Variants in NLRP1 observed in about 807,000 individuals in gnomAD.
The protein encoded by NLRP1 is NLR family pyrin domain containing 1.
A neutral mutation model predicts 136.7 loss-of-function variants in NLRP1; 94 were observed. The observed-to-expected ratio is 0.69, with a 90% CI of 0.58 to 0.82. The LOEUF (loss-of-function observed/expected upper bound fraction) is 0.82, where lower values mean the gene tolerates loss of function less well. Among genes scored for constraint, NLRP1 ranks in the 40% least tolerant of loss-of-function variants. The probability of loss-of-function intolerance (pLI) is 0.00; values close to 1 mark genes in which losing one functional copy is unlikely to be tolerated. For missense variants in NLRP1, 1,575 were observed against 1,802.7 expected (o/e 0.87, Z 2.29); for synonymous variants, 690 against 725.1 (o/e 0.95, Z 0.78).
intron 15 of NLRP1, chr17:5,506,020 C>T (rs905568554): frequency 6.6e-6 from 1 of 152,228 alleles, no homozygotes. Context: ...TGTGGTGGCT[C>T]ATGTCTGTAA....
Position 5,582,065 on chromosome 17 carries a change from G to C in NLRP1, c.449-3C>G. 6.2e-7 allele frequency: 1 copy of C among 1,607,112 alleles called. No homozygotes were observed. The highest frequency in any genetic ancestry group is 8.5e-7 in the Non-Finnish European group (1 of 1,175,342). On this transcript the variant is annotated splice_region_variant and splice_polypyrimidine_tract_variant and intron_variant, in intron 2 of 16. Transcript: ENST00000572272. Reference sequence around the variant, plus strand: ...GTAGAGGAGTGAGGCAGAGATTTCTGGGGGGAATGAAAAGAAAAATAACCA... The same window carrying C: ...GTAGAGGAGTGAGGCAGAGATTTCTCGGGGGAATGAAAAGAAAAATAACCA...
intron 5 of NLRP1, among the ~76,000 whole-genome samples, chr17:5,545,708 C>T (rs1912584082): frequency 6.6e-6 from 1 of 152,208 alleles, no homozygotes; most frequent in South Asian, 2.1e-4. Context: ...AGTCCAGACG[C>T]AGCTGGCAGA....
At chr17:5,513,009 G>A (rs1328144449), downstream of NLRP1, among the ~76,000 whole-genome samples, 1 of 152,148 alleles carries the variant, frequency 6.6e-6, no homozygotes, top group South Asian at 2.1e-4. Flanking sequence ...TTCTCCTGAG[G>A]CCCTGCAAGC....
chr17:5,584,334 A>C lies in NLRP1; in HGVS notation c.-377T>G. ...GATTCTTCCCTCTCCTGGGTCCTGG[A>C]CTCCTGAGATCAACCCTTGAGCTGC... On this transcript the variant is annotated 5_prime_UTR_variant, in exon 1 of 17. Coordinates refer to ENST00000572272, the MANE Select transcript of NLRP1 (RefSeq NM_033004.4). 3.9e-6 allele frequency: 1 copy of C among 258,382 alleles called. No homozygotes were observed. Among genetic ancestry groups the C allele is most frequent in the Non-Finnish European group, 7.6e-6 (1 of 131,936 alleles). The allele number at this position is 258,382 out of a possible 1,614,324, so 16.0% of individuals were successfully genotyped here. A position where few individuals can be genotyped will look rare whatever the true frequency, so the allele number is the denominator to read the frequency against.
chr17:5,545,195 C>T (rs1020330239), intron 5 of NLRP1, among the ~76,000 whole-genome samples: 2 of 152,136 alleles, frequency 1.3e-5, no homozygotes, highest in Non-Finnish European at 2.9e-5. Flanking sequence ...GTAATCCCCA[C>T]ACTTTTGGAG....
chr17:5,561,014 T>C (rs551328606), intron 3 of NLRP1, among the ~76,000 whole-genome samples: 1 of 152,366 alleles, frequency 6.6e-6, no homozygotes, highest in Non-Finnish European at 1.5e-5. Context: ...CTTCACAATA[T>C]GTTCAGTGCC....
chr17:5,574,967 T>A (rs1416610955), intron 3 of NLRP1, among the ~76,000 whole-genome samples: 1 of 152,090 alleles, frequency 6.6e-6, no homozygotes, highest in Non-Finnish European at 1.5e-5. Flanking sequence ...CCTGGCAATA[T>A]TCAACTTTCT....
At chr17:5,539,270 C>T (rs138855111) in intron 7 of NLRP1, 145 bp downstream of exon 7, 97 of 648,718 alleles carry the variant, frequency 1.5e-4, no homozygotes, top group African/African-American at 1.3e-3. Context: ...GAGAATTCAG[C>T]GACTTGTCCA....
rs1202940332 is a variant in NLRP1, at chr17:5,553,366, A to G, written c.2528+20T>C. On this transcript the variant is annotated intron_variant, in intron 5 of 16. Transcript: ENST00000572272. ...CTCTTCCCCATCCCTGCTTCAGAAC[A>G]GAACCCAGGCCAGACTCACCGCAGG... The G allele has an allele frequency of 6.3e-7, 1 of 1,596,738 alleles. No individual in the cohort carries two copies. Among genetic ancestry groups the G allele is most frequent in the Non-Finnish European group, 8.6e-7 (1 of 1,168,934 alleles).
intron 3 of NLRP1, among the ~76,000 whole-genome samples, chr17:5,570,924 G>C (rs902191586): frequency 1.6e-4 from 24 of 152,146 alleles, no homozygotes; most frequent in Non-Finnish European, 1.0e-4. Flanking sequence ...CAACCAGATA[G>C]GTTTTATCTC....
chr17:5,582,964 C>G, intron 1 of NLRP1, 118 bp from the exon 2 acceptor site: 1 of 737,528 alleles, frequency 1.4e-6, no homozygotes, highest in Non-Finnish European at 2.2e-6. Flanking sequence ...AGTGAACCCG[C>G]TGCAGCCCTC....
At chr17:5,574,607 T>G (rs553542671) in intron 3 of NLRP1, among the ~76,000 whole-genome samples, 1 of 151,624 alleles carries the variant, frequency 6.6e-6, no homozygotes, top group African/African-American at 2.4e-5. Flanking sequence ...ACAGTGGATC[T>G]CTCGGCAGAA....
chr17:5,538,710 C>T (rs1469643824), intron 7 of NLRP1, among the ~76,000 whole-genome samples: 1 of 152,122 alleles, frequency 6.6e-6, no homozygotes, highest in Non-Finnish European at 1.5e-5. Flanking sequence ...GGTGCTTACA[C>T]ACGGGAGGCA....
chr17:5,558,054 A>T (rs948275652), intron 4 of NLRP1, among the ~76,000 whole-genome samples: 1 of 151,944 alleles, frequency 6.6e-6, no homozygotes, highest in Non-Finnish European at 1.5e-5. Flanking sequence ...TCCAGGAGAG[A>T]AGATGGACGG....
intron 12 of NLRP1, among the ~76,000 whole-genome samples, chr17:5,524,930 C>A (rs867300192): frequency 6.6e-6 from 1 of 152,164 alleles, no homozygotes; most frequent in Non-Finnish European, 1.5e-5. Flanking sequence ...TGGTCACCCC[C>A]CTTCTTGCAC....
chr17:5,506,835 G>C (rs1034604677), intron 15 of NLRP1, among the ~76,000 whole-genome samples: 2 of 150,412 alleles, frequency 1.3e-5, no homozygotes, highest in Non-Finnish European at 3.0e-5. Context: ...CCGGGTGGTG[G>C]AGGTTGCAGT....
At chr17:5,539,022 CACCATGCCCAGCT>C (rs1234639221) in intron 7 of NLRP1, among the ~76,000 whole-genome samples, 3 of 152,100 alleles carry the variant, frequency 2.0e-5, no homozygotes, top group African/African-American at 7.2e-5. Context: ...AGGTGCACAC[CACCATGCCCAGCT>C]AGTTTTTATA....
At chr17:5,581,828 C>T (rs200670679) in intron 3 of NLRP1, 31 bp downstream of exon 3, 4 of 1,583,344 alleles carry the variant, frequency 2.5e-6, no homozygotes, top group Non-Finnish European at 3.5e-6. Flanking sequence ...TCCCACCTCA[C>T]CACCCCGCCA....
At chr17:5,558,246 G>C in intron 4 of NLRP1, 93 bp downstream of exon 4, 1 of 1,383,262 alleles carries the variant, frequency 7.2e-7, no homozygotes, top group Non-Finnish European at 9.9e-7. Flanking sequence ...CCCCACCCCC[G>C]GCCAGGCTCA....
Sources: allele counts gnomAD v4.1 joint callset (sites outside exome capture counted in the v4.1 genomes callset), GRCh38; gene constraint gnomAD v4.1.1; transcripts MANE v1.5; gene names NCBI Gene and HGNC (gene_info 2026-07-23, HGNC 2026-07-21).